LOXHD1: variants seen among roughly 807,000 people sequenced by gnomAD.
The protein encoded by LOXHD1 is lipoxygenase homology domain-containing protein 1.
Under a neutral mutation model 248.2 loss-of-function variants are expected in LOXHD1, and 205 were observed. The ratio of observed to expected loss-of-function variants is 0.83; its 90% confidence interval spans 0.74 to 0.93. The LOEUF is 0.93. LOXHD1 is among the 40% of genes least tolerant of loss of function. LOXHD1 has a pLI of 0.00. For synonymous variants in LOXHD1, 1,113 were observed against 1,162.8 expected (o/e 0.96, Z 0.87); for missense variants, 2,930 against 2,971.6 (o/e 0.99, Z 0.33).
At chr18:46,636,691 A>T (rs1450504404) in intron 4 of LOXHD1, among the ~76,000 whole-genome samples, 1 of 152,162 alleles carries the variant, frequency 6.6e-6, no homozygotes. Flanking sequence ...CTCTCCTGTT[A>T]CTGTCCATAT....
intron 14 of LOXHD1, among the ~76,000 whole-genome samples, chr18:46,576,357 T>A (rs1456135303): frequency 6.6e-6 from 1 of 151,960 alleles, no homozygotes; most frequent in Non-Finnish European, 1.5e-5. Context: ...CTTAGGAGAA[T>A]GAGGGTTCAC....
At chr18:46,569,346 GTGTC>G (rs2037705763) in intron 16 of LOXHD1, 92 bp downstream of exon 16, 1 of 1,044,502 alleles carries the variant, frequency 9.6e-7, no homozygotes, top group South Asian at 1.5e-5. Context: ...GTGTGCGTGT[GTGTC>G]TGTGTGTGGA....
rs1346702916 is a variant in LOXHD1, at chr18:46,507,599, A to T, written c.5631T>A (p.Asp1877Glu). Residue 1877 changes from aspartate (D) to glutamate (E), a missense_variant, in exon 36 of 41, where the codon GAT becomes GAA. Asp to Glu is a conservative substitution (Grantham distance 45). Transcript: ENST00000642948. ...AGGTCCACTCCATCATTTCTTCCTCATCGATAACGGCACACATTTCACACA... is the reference window on the plus strand; with the variant it reads ...AGGTCCACTCCATCATTTCTTCCTCTTCGATAACGGCACACATTTCACACA... ...TLVCEMCAVI[D>E]EEEMMEWTSY... 1 of 1,551,614 alleles carries T rather than the reference A, an allele frequency of 6.4e-7. No homozygotes were observed. The highest frequency in any genetic ancestry group is 2.0e-5 in the Admixed American group (1 of 50,982).
At chr18:46,537,427 C>G (rs1166660741) in intron 26 of LOXHD1, among the ~76,000 whole-genome samples, 4 of 152,160 alleles carry the variant, frequency 2.6e-5, no homozygotes, top group Non-Finnish European at 4.4e-5. Context: ...ATGACAATGA[C>G]CATCACCAGA....
In LOXHD1 at chr18:46,579,706, A is replaced by C. The variant is rs1365389284; in HGVS notation, c.1733T>G (p.Phe578Cys). 2 of 1,551,802 alleles carry C rather than the reference A, an allele frequency of 1.3e-6. No individual in the cohort carries two copies. Among genetic ancestry groups the C allele is most frequent in the South Asian group, 1.2e-5 (1 of 84,064 alleles). Residue 578 changes from phenylalanine to cysteine, a missense_variant, in exon 13 of 41, where the codon TTT (phenylalanine) becomes TGT (cysteine). Phe to Cys is a radical substitution (Grantham distance 205, BLOSUM62 -2). Coordinates refer to ENST00000642948, the MANE Select transcript of LOXHD1 (RefSeq NM_001384474.1). ...GTDANVYLCL[F>C]GDVGDTGERL... is the part of the protein sequence containing the mutation. ...TTCCCCCGTGTCCCCCACATCACCA[A>C]AAAGGCAGAGATAGACGTTGGCATC...
chr18:46,489,200 A>G, intron 37 of LOXHD1, 58 bp from the exon 38 acceptor site: 5 of 1,520,310 alleles, frequency 3.3e-6, no homozygotes, highest in Non-Finnish European at 3.6e-6. Context: ...CCCCTTTCAG[A>G]CTTCTACATC....
At chr18:46,602,775 T>C (rs960693623) in intron 7 of LOXHD1, among the ~76,000 whole-genome samples, 3 of 152,064 alleles carry the variant, frequency 2.0e-5, no homozygotes, top group Non-Finnish European at 4.4e-5. Context: ...GAATGGTCAT[T>C]GCTCTAGAAA....
rs772610072 is a variant in LOXHD1, at chr18:46,572,119, A to G, written c.2014T>C (p.Leu672=). Residue 672 remains leucine, a synonymous_variant, in exon 15 of 41, where the codon TTG becomes CTG. Coordinates refer to ENST00000642948, the MANE Select transcript of LOXHD1 (RefSeq NM_001384474.1). Reference sequence around the variant, plus strand: ...GTCGCGCTGCTGTCACTGGGTAGCAACTCTCGGACCAGCTGCCCATCATCC... The same window carrying G: ...GTCGCGCTGCTGTCACTGGGTAGCAGCTCTCGGACCAGCTGCCCATCATCC... ...DKDDGQLVRE[L]LPSDSSATLK... The G allele has an allele frequency of 9.7e-6, 15 of 1,551,588 alleles. No homozygotes were observed. The highest frequency in any genetic ancestry group is 1.4e-5 in the African/African-American group (1 of 72,988).
intron 4 of LOXHD1, among the ~76,000 whole-genome samples, chr18:46,638,336 T>G (rs1480672018): frequency 1.3e-5 from 2 of 152,218 alleles, no homozygotes; most frequent in African/African-American, 4.8e-5. Context: ...TAATGTGTTT[T>G]AAAAAGAATC....
intron 14 of LOXHD1, among the ~76,000 whole-genome samples, chr18:46,576,492 TGGCCC>T: frequency 6.6e-6 from 1 of 152,092 alleles, no homozygotes. Flanking sequence ...TCAGCCTAGG[TGGCCC>T]ACCCTCCCTT....
chr18:46,611,692 T>G (rs538065803), intron 5 of LOXHD1, among the ~76,000 whole-genome samples: 1 of 152,194 alleles, frequency 6.6e-6, no homozygotes, highest in Non-Finnish European at 1.5e-5. Flanking sequence ...AAGACATTCA[T>G]GTACCCACCA....
chr18:46,641,691 C>T (rs147999040), intron 3 of LOXHD1, among the ~76,000 whole-genome samples: 1 of 152,222 alleles, frequency 6.6e-6, no homozygotes, highest in Non-Finnish European at 1.5e-5. Context: ...GAGTCTCTGC[C>T]CCTAACCACT....
chr18:46,565,838 A>G (rs1239804167), intron 17 of LOXHD1, among the ~76,000 whole-genome samples: 2 of 152,182 alleles, frequency 1.3e-5, no homozygotes. Context: ...TCCTCGATTG[A>G]ATCCACCGAT....
chr18:46,562,085 C>T (rs1009255833), intron 18 of LOXHD1, among the ~76,000 whole-genome samples: 1 of 152,230 alleles, frequency 6.6e-6, no homozygotes, highest in African/African-American at 2.4e-5. Context: ...GCCAGCCGGG[C>T]AGGTATTATA....
intron 38 of LOXHD1, among the ~76,000 whole-genome samples, chr18:46,487,538 A>T (rs966360757): frequency 6.6e-6 from 1 of 152,196 alleles, no homozygotes; most frequent in African/African-American, 2.4e-5. Flanking sequence ...GTTTACGCTG[A>T]GGAGCTCCTA....
At chr18:46,591,794 AC>A (rs2144230286) in intron 12 of LOXHD1, 138 bp downstream of exon 12, 1 of 1,041,816 alleles carries the variant, frequency 9.6e-7, no homozygotes, top group Admixed American at 2.3e-5. Flanking sequence ...TGAGGCAGGG[AC>A]CTTCCAAATC....
chr18:46,484,979 A>G, intron 39 of LOXHD1, 40 bp downstream of exon 39: 3 of 1,436,132 alleles, frequency 2.1e-6, no homozygotes, highest in Non-Finnish European at 1.9e-6. Context: ...TCCCTTACCT[A>G]CCCACCCCCC....
intron 6 of LOXHD1, among the ~76,000 whole-genome samples, chr18:46,610,260 T>C (rs539214094): frequency 6.6e-6 from 1 of 152,148 alleles, no homozygotes; most frequent in South Asian, 2.1e-4. Flanking sequence ...GGGACATGGA[T>C]GAAGCCAGAA....
At chr18:46,656,027 G>A (rs563101838) in intron 1 of LOXHD1, among the ~76,000 whole-genome samples, 2 of 152,316 alleles carry the variant, frequency 1.3e-5, no homozygotes, top group South Asian at 4.1e-4. Flanking sequence ...AATACTTGCT[G>A]AATGAATGAA....
Sources: allele counts gnomAD v4.1 joint callset (sites outside exome capture counted in the v4.1 genomes callset), GRCh38; gene constraint gnomAD v4.1.1; transcripts MANE v1.5; gene names NCBI Gene and HGNC (gene_info 2026-07-23, HGNC 2026-07-21).